The following VSIG1 variants were observed in gnomAD, a reference collection of about 807,000 sequenced individuals.
The protein encoded by VSIG1 is V-set and immunoglobulin domain-containing protein 1.
Under a neutral mutation model 20.1 loss-of-function variants are expected in VSIG1, and 11 were observed. The ratio of observed to expected loss-of-function variants is 0.55; its 90% CI spans 0.34 to 0.91. VSIG1 has a LOEUF of 0.91. VSIG1 is among the 40% of genes least tolerant of loss of function. VSIG1 has a pLI of 0.02. For synonymous variants in VSIG1, 126 were observed against 116.7 expected, an observed-to-expected ratio of 1.08 and a Z score of -0.52; for missense variants, 283 against 298.8, an observed-to-expected ratio of 0.95 and a Z score of 0.39.
At chrX:108,055,870 T>C (rs1239488411) in intron 1 of VSIG1, among the ~76,000 whole-genome samples, 3 of 111,972 alleles carry the variant, frequency 2.7e-5, no homozygotes, top group African/African-American at 9.7e-5. Context: ...AAATTAATTC[T>C]CTCACAGTTC....
rs559536109 is a variant in VSIG1, at chrX:108,045,084, T to A, written c.-47T>A. On this transcript the variant is annotated 5_prime_UTR_variant, in exon 1 of 7. Transcript: ENST00000217957. The stretch of plus-strand genomic sequence containing the variant: ...GAAGCCAATTTGAGACTCAGCCTAG[T>A]CCAGGCAAGCTACTGGCACCTGCTG... The A allele has an allele frequency of 1.8e-6, 2 of 1,119,515 alleles. No individual in the cohort carries two copies. Among genetic ancestry groups the A allele is most frequent in the African/African-American group, 1.8e-5 (1 of 55,176 alleles). The allele number at this position is 1,119,515 out of a possible 1,213,427, so 92.3% of individuals were successfully genotyped here. A position where few individuals can be genotyped will look rare whatever the true frequency, so the allele number is the denominator to read the frequency against.
the VSIG1 span, among the ~76,000 whole-genome samples, chrX:108,023,372 A>G: frequency 9.0e-6 from 1 of 111,461 alleles, no homozygotes; most frequent in African/African-American, 3.3e-5. Flanking sequence ...TTTGTTGAGG[A>G]TTTTGTGTCT....
In VSIG1 at chrX:108,077,134, C is replaced by T; in HGVS notation, c.917C>T (p.Ser306Phe). 8.2e-7 allele frequency: 1 copy of T among 1,212,131 alleles called. No individual in the cohort carries two copies. Among genetic ancestry groups the T allele is most frequent in the Non-Finnish European group, 1.1e-6 (1 of 895,566 alleles). ...CAACTAGAAGTAACTCTACCATCTT[C>T]CATTCATGAGACTGGCCCTGATACC... ...ATQLEVTLPS[S>F]IHETGPDTIQ... is the part of the protein sequence containing the mutation. Residue 306 changes from serine to phenylalanine, a missense_variant, in exon 7 of 7, where the codon TCC (serine) becomes TTC (phenylalanine). By Grantham distance (155) the Ser-to-Phe change is radical. Coordinates refer to ENST00000217957, the MANE Select transcript of VSIG1 (RefSeq NM_182607.5).
chrX:108,071,908 A>G (rs1466247030), intron 3 of VSIG1, among the ~76,000 whole-genome samples: 3 of 109,392 alleles, frequency 2.7e-5, no homozygotes, highest in Non-Finnish European at 5.7e-5. Flanking sequence ...AAAAAAAAAA[A>G]AAGAAAATAA....
intron 2 of VSIG1, among the ~76,000 whole-genome samples, chrX:108,063,638 G>T (rs1392008719): frequency 9.0e-6 from 1 of 110,843 alleles, no homozygotes; most frequent in Non-Finnish European, 1.9e-5. Flanking sequence ...AATATCCATC[G>T]GGCTCCTGAA....
At chrX:108,042,356 A>G (rs1284338008), upstream of VSIG1, among the ~76,000 whole-genome samples, 2 of 112,173 alleles carry the variant, frequency 1.8e-5, no homozygotes, top group Non-Finnish European at 3.8e-5. Context: ...TGAATTAATT[A>G]GCAAGCTCTT....
upstream of VSIG1, among the ~76,000 whole-genome samples, chrX:108,042,424 GT>G (rs1219186195): frequency 1.8e-5 from 2 of 111,828 alleles, no homozygotes; most frequent in Non-Finnish European, 3.8e-5. Flanking sequence ...AGACACCCAG[GT>G]TTGTCTGGCA....
intron 2 of VSIG1, among the ~76,000 whole-genome samples, chrX:108,065,974 C>T (rs1024214469): frequency 9.0e-6 from 1 of 111,288 alleles, no homozygotes; most frequent in Non-Finnish European, 1.9e-5. Flanking sequence ...TAGAGGCCAC[C>T]TCCCCTAACT....
At chrX:108,038,141 T>G in the VSIG1 span, among the ~76,000 whole-genome samples, 53,239 of 109,716 alleles carry the variant, frequency 0.49, 10,119 homozygotes, top group African/African-American at 0.65. Flanking sequence ...GTGCAGGTTT[T>G]TTACATATGT....
chrX:108,021,771 G>A, the VSIG1 span, among the ~76,000 whole-genome samples: 1 of 112,106 alleles, frequency 8.9e-6, no homozygotes, highest in African/African-American at 3.2e-5. Flanking sequence ...CTTTTTGCAT[G>A]TGGGTATTCA....
Position 108,076,156 on chromosome X carries a change from C to A in VSIG1, c.768C>A (p.Phe256Leu). 1 of 1,210,738 alleles carries A rather than the reference C, an allele frequency of 8.3e-7. No individual in the cohort carries two copies. Among genetic ancestry groups the A allele is most frequent in the Non-Finnish European group, 1.1e-6 (1 of 894,897 alleles). ...CCATCATCATCTCTGTTGTGTGCTTCGCAAGGAATAAGGCAAAAGCAAAGG... is the reference window on the plus strand; with the variant it reads ...CCATCATCATCTCTGTTGTGTGCTTAGCAAGGAATAAGGCAAAAGCAAAGG... ...GAAIIISVVC[F>L]ARNKAKAKAK... is the part of the protein sequence containing the mutation. Residue 256 changes from phenylalanine (F) to leucine (L), a missense_variant, in exon 6 of 7, where the codon TTC (phenylalanine) becomes TTA (leucine). By Grantham distance (22) the Phe-to-Leu change is conservative. Transcript: ENST00000217957.
At chrX:108,039,382 C>T in the VSIG1 span, among the ~76,000 whole-genome samples, 4 of 110,343 alleles carry the variant, frequency 3.6e-5, no homozygotes, top group South Asian at 3.9e-4. Context: ...TTTGTAGAGA[C>T]GGGGGTTTCA....
chrX:108,075,062 T>C (rs1416248776), intron 5 of VSIG1, among the ~76,000 whole-genome samples: 2 of 112,132 alleles, frequency 1.8e-5, no homozygotes, highest in Non-Finnish European at 3.8e-5. Context: ...GTTCCTCAGC[T>C]GTGAACAATA....
At chrX:108,038,650 A>G in the VSIG1 span, among the ~76,000 whole-genome samples, 1,090 of 112,435 alleles carry the variant, frequency 9.7e-3, 8 homozygotes, top group African/African-American at 0.033. Flanking sequence ...AAAATGTGGC[A>G]CATATACATC....
chrX:108,076,979 TG>T, intron 6 of VSIG1, 68 bp from the exon 7 acceptor site: 1 of 1,020,783 alleles, frequency 9.8e-7, no homozygotes, highest in Non-Finnish European at 1.3e-6. Context: ...ACAGAACATA[TG>T]GTTTCACATG....
intron 2 of VSIG1, chrX:108,064,597 AC>A (rs1189455229): frequency 1.2e-5 from 3 of 259,213 alleles, no homozygotes; most frequent in Non-Finnish European, 1.6e-5. Context: ...GGTCCTTTTC[AC>A]CTGGATCCTC....
chrX:108,041,566 G>T (rs1331363744), upstream of VSIG1, among the ~76,000 whole-genome samples: 1 of 109,359 alleles, frequency 9.1e-6, no homozygotes, highest in Non-Finnish European at 1.9e-5. Flanking sequence ...GTGTGTGTGT[G>T]TGTGTGTGTG....
In VSIG1 at chrX:108,048,001, T is replaced by TACAC. The variant is rs1235495725; in HGVS notation, c.49+2824_49+2827dup. ...ATATATATATATATATATATATATA[T>TACAC]ACACATATATATATTCTTTTGAGAC... is the stretch of plus-strand genomic sequence containing the variant. On this transcript the variant is annotated intron_variant, in intron 1 of 6. Transcript: ENST00000217957. Among the ~76,000 whole-genome samples the TACAC allele has an allele frequency of 3.2e-4, 19 of 59,541 alleles. 2 individuals carry two copies. The highest frequency in any genetic ancestry group is 1.4e-3 in the African/African-American group (18 of 13,040). 51.7% of individuals were successfully genotyped at this position (59,541 alleles called of 115,157 possible). A position where few individuals can be genotyped will look rare whatever the true frequency, so the allele number is the denominator to read the frequency against.
In VSIG1 at chrX:108,077,140, A is replaced by C. The variant is rs1485136723; in HGVS notation, c.923A>C (p.His308Pro). The change falls in exon 7 of 7, where the codon CAT becomes CCT. Residue 308 changes from histidine to proline, a missense_variant. Transcript: ENST00000217957. ...QLEVTLPSSI[H>P]ETGPDTIQEP... The stretch of plus-strand genomic sequence containing the variant: ...GAAGTAACTCTACCATCTTCCATTC[A>C]TGAGACTGGCCCTGATACCATCCAA... 8.3e-7 allele frequency: 1 copy of C among 1,210,405 alleles called. No homozygotes were observed. Among genetic ancestry groups the C allele is most frequent in the African/African-American group, 1.7e-5 (1 of 57,266 alleles).
Sources: allele counts gnomAD v4.1 joint callset (sites outside exome capture counted in the v4.1 genomes callset), GRCh38; gene constraint gnomAD v4.1.1; transcripts MANE v1.5; gene names NCBI Gene and HGNC (gene_info 2026-07-23, HGNC 2026-07-21).